Variants in TNIK observed in about 807,000 individuals in gnomAD.
TNIK encodes TRAF2 and NCK-interacting protein kinase.
A neutral mutation model predicts 191.3 loss-of-function variants in TNIK; 49 were observed. That is an observed-to-expected ratio of 0.26 (90% CI 0.20 to 0.32). TNIK has a LOEUF of 0.32. TNIK is among the 10% of genes least tolerant of loss of function. The pLI is 1.00. For missense variants in TNIK, 1,155 were observed against 1,702.3 expected (o/e 0.68, Z 5.66); for synonymous variants, 594 against 600.9 (o/e 0.99, Z 0.17).
At chr3:171,072,802 A>G (rs1719370376) in intron 28 of TNIK, among the ~76,000 whole-genome samples, 1 of 151,844 alleles carries the variant, frequency 6.6e-6, no homozygotes. Flanking sequence ...GCTCAATCCC[A>G]TTTATAATAA....
At chr3:171,274,727 C>T (rs1457909981) in intron 2 of TNIK, among the ~76,000 whole-genome samples, 1 of 151,584 alleles carries the variant, frequency 6.6e-6, no homozygotes, top group African/African-American at 2.4e-5. Flanking sequence ...ACAAGTTGAT[C>T]TTGATCTTCT....
chr3:171,240,340 T>TA (rs1744806441), intron 2 of TNIK, among the ~76,000 whole-genome samples: 1 of 152,152 alleles, frequency 6.6e-6, no homozygotes, highest in Non-Finnish European at 1.5e-5. Context: ...AGGAAAGGCT[T>TA]TGAAAGAGGT....
At chr3:171,295,016 A>AGAGG (rs1468318831) in intron 2 of TNIK, among the ~76,000 whole-genome samples, 8 of 150,900 alleles carry the variant, frequency 5.3e-5, no homozygotes, top group Admixed American at 1.3e-4. Flanking sequence ...AGAGAGAGAG[A>AGAGG]GAGAGAGAGA....
chr3:171,126,640 G>A (rs550965714), intron 16 of TNIK, among the ~76,000 whole-genome samples: 2 of 152,296 alleles, frequency 1.3e-5, no homozygotes, highest in East Asian at 3.9e-4. Flanking sequence ...GCAATGTAAG[G>A]TGTAGAGAGG....
chr3:171,460,164 G>T lies in TNIK; in HGVS notation c.-101C>A. ...TCACTCGCGTCCTCATGCGGGTGTC[G>T]CGCCAGAGGCCCCGGGCCCAGCCTC... On this transcript the variant is annotated 5_prime_UTR_variant, in exon 1 of 33. Transcript: ENST00000436636. The surrounding 1 kb of genome is among the most constrained non-coding windows in gnomAD (Gnocchi z 6.8). The T allele has an allele frequency of 7.0e-7, 1 of 1,435,900 alleles. No homozygotes were observed. The allele number at this position is 1,435,900 out of a possible 1,614,324, so 88.9% of individuals were successfully genotyped here.
At chr3:171,224,068 A>G (rs1742690219) in intron 3 of TNIK, among the ~76,000 whole-genome samples, 1 of 152,122 alleles carries the variant, frequency 6.6e-6, no homozygotes, top group Non-Finnish European at 1.5e-5. Flanking sequence ...TGGACCACTG[A>G]TATTCAGACT....
At chr3:171,183,646 G>A (rs969064826) in intron 7 of TNIK, among the ~76,000 whole-genome samples, 6 of 152,100 alleles carry the variant, frequency 3.9e-5, no homozygotes, top group Non-Finnish European at 8.8e-5. Flanking sequence ...GCCCCCACCG[G>A]GTCCAGTGGC....
intron 3 of TNIK, among the ~76,000 whole-genome samples, chr3:171,220,208 C>G (rs1336551769): frequency 2.0e-5 from 3 of 151,992 alleles, no homozygotes; most frequent in Non-Finnish European, 4.4e-5. Flanking sequence ...CGCAAGGACA[C>G]AGGGAGGAGA....
chr3:171,425,158 G>T (rs541092158), intron 1 of TNIK, among the ~76,000 whole-genome samples: 1 of 152,230 alleles, frequency 6.6e-6, no homozygotes, highest in East Asian at 1.9e-4. Context: ...TTGGAGCAAA[G>T]AAATGAAATT....
chr3:171,449,512 T>G (rs1727922844), intron 1 of TNIK, among the ~76,000 whole-genome samples: 3 of 152,182 alleles, frequency 2.0e-5, no homozygotes, highest in Admixed American at 2.0e-4. Flanking sequence ...GAGAAAAGGC[T>G]AATTATTAGG....
At chr3:171,114,711 A>G (rs1726406571) in intron 18 of TNIK, among the ~76,000 whole-genome samples, 1 of 152,236 alleles carries the variant, frequency 6.6e-6, no homozygotes, top group Non-Finnish European at 1.5e-5. Context: ...AGTCAACTTA[A>G]CAGTAAAATC....
chr3:171,087,975 G>A (rs1478428243), intron 23 of TNIK, among the ~76,000 whole-genome samples: 1 of 152,136 alleles, frequency 6.6e-6, no homozygotes, highest in Non-Finnish European at 1.5e-5. Flanking sequence ...TCCAAGAAAG[G>A]GCAGAGACCA....
In TNIK at chr3:171,338,202, C is replaced by T. The variant is rs563241300; in HGVS notation, c.123+31418G>A. On this transcript the variant is annotated intron_variant, in intron 2 of 32. Coordinates refer to ENST00000436636, the MANE Select transcript of TNIK (RefSeq NM_015028.4). Reference sequence around the variant, plus strand: ...TTTTTTAAGATTATTTATGTTAATCCTTCCACTCTTCATTGCCTCATTTCT... The same window carrying T: ...TTTTTTAAGATTATTTATGTTAATCTTTCCACTCTTCATTGCCTCATTTCT... 4.6e-5 allele frequency among the ~76,000 whole-genome samples: 7 copies of T among 152,114 alleles called. No homozygotes were observed. The East Asian group carries it at 9.7e-4, about 21-fold the overall frequency.
chr3:171,323,316 A>G (rs923182609), intron 2 of TNIK, among the ~76,000 whole-genome samples: 1 of 152,232 alleles, frequency 6.6e-6, no homozygotes, highest in Non-Finnish European at 1.5e-5. Flanking sequence ...GCAGGAGTAG[A>G]AAATGGTCCC....
At chr3:171,201,148 C>T (rs1323617843) in intron 4 of TNIK, among the ~76,000 whole-genome samples, 2 of 152,134 alleles carry the variant, frequency 1.3e-5, no homozygotes, top group African/African-American at 4.8e-5. Context: ...GCCTGTAATC[C>T]CAGCACTTTG....
intron 4 of TNIK, among the ~76,000 whole-genome samples, chr3:171,198,121 G>A (rs1255789080): frequency 6.6e-6 from 1 of 152,184 alleles, no homozygotes; most frequent in Non-Finnish European, 1.5e-5. Flanking sequence ...ATATGTGGAT[G>A]AATCACGTAA....
At chr3:171,254,434 AC>A (rs1301593619) in intron 2 of TNIK, among the ~76,000 whole-genome samples, 6 of 152,172 alleles carry the variant, frequency 3.9e-5, no homozygotes, top group African/African-American at 1.4e-4. Context: ...ATATTTGCTC[AC>A]CCTTCCCCAT....
At chr3:171,338,847 A>G (rs912808977) in intron 2 of TNIK, among the ~76,000 whole-genome samples, 2 of 152,100 alleles carry the variant, frequency 1.3e-5, no homozygotes, top group African/African-American at 4.8e-5. Flanking sequence ...ACTACCGTAC[A>G]GTGCAGAAGG....
intron 11 of TNIK, among the ~76,000 whole-genome samples, chr3:171,160,698 A>G (rs181509638): frequency 6.6e-6 from 1 of 152,138 alleles, no homozygotes; most frequent in Non-Finnish European, 1.5e-5. Context: ...AGGCATGACA[A>G]TAAAACAGCC....
Sources: allele counts gnomAD v4.1 joint callset (sites outside exome capture counted in the v4.1 genomes callset), GRCh38; gene constraint gnomAD v4.1.1; non-coding constraint Gnocchi (gnomAD v3.1); transcripts MANE v1.5; gene names NCBI Gene and HGNC (gene_info 2026-07-23, HGNC 2026-07-21).